Variants in TSTD2 observed in about 807,000 individuals in gnomAD.
TSTD2 encodes the protein thiosulfate sulfurtransferase like domain containing 2, also known as thiosulfate sulfurtransferase/rhodanese-like domain-containing protein 2.
TSTD2 carries 37 observed loss-of-function variants against 47.9 expected under a neutral mutation model. That is an observed-to-expected ratio of 0.77 (90% CI 0.59 to 1.02). The LOEUF (loss-of-function observed/expected upper bound fraction) is 1.02. Among genes scored for constraint, TSTD2 ranks in the 50% least tolerant of loss-of-function variants. TSTD2 has a pLI of 0.00. For synonymous variants in TSTD2, 201 were observed against 215.9 expected (o/e 0.93, Z 0.61); for missense variants, 586 against 616.0 (o/e 0.95, Z 0.52).
At chr9:97,616,269 G>A (rs1406258126) in intron 4 of TSTD2, among the ~76,000 whole-genome samples, 1 of 152,188 alleles carries the variant, frequency 6.6e-6, no homozygotes, top group Admixed American at 6.5e-5. Flanking sequence ...AGTATCAGAC[G>A]AGAGGAAAAG....
intron 7 of TSTD2, among the ~76,000 whole-genome samples, 180 bp downstream of exon 7, chr9:97,605,963 T>TA (rs1826358751): frequency 6.6e-6 from 1 of 152,220 alleles, no homozygotes; most frequent in Admixed American, 6.5e-5. Context: ...CATATTTTCT[T>TA]AGACTCTCTC....
At chr9:97,624,937 T>C (rs1407653104) in intron 3 of TSTD2, among the ~76,000 whole-genome samples, 1 of 152,200 alleles carries the variant, frequency 6.6e-6, no homozygotes, top group Non-Finnish European at 1.5e-5. Flanking sequence ...CCCCTTTTTT[T>C]TGCTTAGTTT....
intron 1 of TSTD2, among the ~76,000 whole-genome samples, chr9:97,632,428 A>T (rs763427020): frequency 6.6e-6 from 1 of 151,932 alleles, no homozygotes; most frequent in Non-Finnish European, 1.5e-5. Flanking sequence ...GCTGGAGTGC[A>T]GTGTGCGATC....
At chr9:97,631,609 T>C (rs930790166) in intron 1 of TSTD2, among the ~76,000 whole-genome samples, 2 of 152,186 alleles carry the variant, frequency 1.3e-5, no homozygotes, top group East Asian at 3.9e-4. Flanking sequence ...GGCTCATGCC[T>C]GTAATCTCAG....
chr9:97,631,603 C>T (rs1402965510), intron 1 of TSTD2, among the ~76,000 whole-genome samples: 2 of 152,196 alleles, frequency 1.3e-5, no homozygotes, highest in Admixed American at 1.3e-4. Flanking sequence ...CACAGAGGCT[C>T]ATGCCTGTAA....
chr9:97,625,237 C>T (rs1727667222), intron 3 of TSTD2, among the ~76,000 whole-genome samples: 1 of 152,176 alleles, frequency 6.6e-6, no homozygotes, highest in South Asian at 2.1e-4. Context: ...TCTCATTCAC[C>T]CATATACGTT....
Position 97,633,358 on chromosome 9 carries a change from T to G in TSTD2, c.-166A>C. ...CCGCCGCGTATTTGGGTAGAAAAGC[T>G]CGCTCGTGACGTCACCAAGCTCCGG... On this transcript the variant is annotated 5_prime_UTR_variant, in exon 1 of 10. Coordinates refer to ENST00000341170, the MANE Select transcript of TSTD2 (RefSeq NM_139246.5). The G allele has an allele frequency of 2.7e-6, 1 of 376,940 alleles. No homozygotes were observed. Among genetic ancestry groups the G allele is most frequent in the Non-Finnish European group, 4.7e-6 (1 of 212,186 alleles). The allele number at this position is 376,940 out of a possible 1,614,324, so 23.3% of individuals were successfully genotyped here.
chr9:97,632,227 C>A (rs867733489), intron 1 of TSTD2, among the ~76,000 whole-genome samples: 1 of 152,278 alleles, frequency 6.6e-6, no homozygotes, highest in South Asian at 2.1e-4. Flanking sequence ...AGATTTAGAA[C>A]CAGAGACCTT....
In TSTD2 at chr9:97,602,368, G is replaced by A; in HGVS notation, c.*101C>T. 1 of 1,397,368 alleles carries A rather than the reference G, an allele frequency of 7.2e-7. No individual in the cohort carries two copies. Among genetic ancestry groups the A allele is most frequent in the Non-Finnish European group, 9.5e-7 (1 of 1,053,080 alleles). The allele number at this position is 1,397,368 out of a possible 1,614,324, so 86.6% of individuals were successfully genotyped here. On this transcript the variant is annotated 3_prime_UTR_variant, in exon 10 of 10. Transcript: ENST00000341170. ...CACGGTGGCAGCGGCCAGAACTGAAGTTCCCGATTTCTCTGTTTCTGCAGT... is the reference window on the plus strand; with the variant it reads ...CACGGTGGCAGCGGCCAGAACTGAAATTCCCGATTTCTCTGTTTCTGCAGT...
chr9:97,600,839 G>A lies in TSTD2; in HGVS notation c.*1630C>T. The A allele has an allele frequency of 9.3e-7, 1 of 1,074,896 alleles. No homozygotes were observed. The highest frequency in any genetic ancestry group is 1.1e-6 in the Non-Finnish European group (1 of 880,194). The allele number at this position is 1,074,896 out of a possible 1,614,324, so 66.6% of individuals were successfully genotyped here. ...TTTTTAACATCATGTGCGTCTCTTG[G>A]GATCCAGCAAAAGTGTTAAGCCACA... On this transcript the variant is annotated 3_prime_UTR_variant, in exon 10 of 10. Coordinates refer to ENST00000341170, the MANE Select transcript of TSTD2 (RefSeq NM_139246.5).
intron 3 of TSTD2, among the ~76,000 whole-genome samples, chr9:97,620,551 A>T (rs116915100): frequency 6.6e-6 from 1 of 152,216 alleles, no homozygotes; most frequent in East Asian, 1.9e-4. Context: ...GACGACAAGA[A>T]GATGTGGGAA....
Position 97,619,925 on chromosome 9 carries a change from G to GATTCTGTAATATTACACC in TSTD2, c.483-2049_483-2048insGGTGTAATATTACAGAAT, listed in dbSNP as rs1826603527. 6.6e-5 allele frequency among the ~76,000 whole-genome samples: 10 copies of GATTCTGTAATATTACACC among 152,182 alleles called. 1 individual carries two copies. In the South Asian group the frequency reaches 1.9e-3, roughly 28 times the overall value. On this transcript the variant is annotated intron_variant, in intron 3 of 9. Transcript: ENST00000341170. ...CTTAAAGTCAGAAATTTGTCCTCTG[G>GATTCTGTAATATTACACC]AATTCTGTAATATGACTTGGTGAGT...
At chr9:97,618,402 C>T (rs2131312994) in intron 3 of TSTD2, among the ~76,000 whole-genome samples, 1 of 152,350 alleles carries the variant, frequency 6.6e-6, no homozygotes, top group African/African-American at 2.4e-5. Flanking sequence ...CAGATCTATA[C>T]TCTTTCTACT....
chr9:97,604,853 C>T lies in TSTD2; in HGVS notation c.1126G>A (p.Glu376Lys). 6.2e-7 allele frequency: 1 copy of T among 1,613,908 alleles called. No homozygotes were observed. The highest frequency in any genetic ancestry group is 8.5e-7 in the Non-Finnish European group (1 of 1,179,976). ...AYLKAKGVCK[E>K]VFQLKGGIHK... ...ATGCCACCCTTGAGCTGGAACACCT[C>T]CTTGCACACTCCCTAGGTGTGGAAA... Residue 376 changes from glutamate (E) to lysine (K), a missense_variant, in exon 9 of 10, where the codon GAG (glutamate) becomes AAG (lysine). By Grantham distance (56) the Glu-to-Lys change is moderately conservative (BLOSUM62 1). Coordinates refer to ENST00000341170, the MANE Select transcript of TSTD2 (RefSeq NM_139246.5).
In TSTD2 at chr9:97,601,830, A is replaced by T. The variant is rs1300219523; in HGVS notation, c.*639T>A. On this transcript the variant is annotated 3_prime_UTR_variant, in exon 10 of 10. Coordinates refer to ENST00000341170, the MANE Select transcript of TSTD2 (RefSeq NM_139246.5). ...GAAAATACAGTATTGGCAGGGGGCG[A>T]AACCTGCGTACATGGAGGGCTGATT... The T allele has an allele frequency of 6.5e-6, 1 of 154,538 alleles. No individual in the cohort carries two copies. Among genetic ancestry groups the T allele is most frequent in the Non-Finnish European group, 1.4e-5 (1 of 70,244 alleles). The allele number at this position is 154,538 out of a possible 1,614,324, so 9.6% of individuals were successfully genotyped here.
rs375695727 is a variant in TSTD2 at position 97,602,805 on chromosome 9, C to T, written c.1253-38G>A. ...GAAAAGCCATCATTATAAACACATACATTCACACACACGTGGACAGGCATT... is the reference window on the plus strand; with the variant it reads ...GAAAAGCCATCATTATAAACACATATATTCACACACACGTGGACAGGCATT... On this transcript the variant is annotated intron_variant, in intron 9 of 9. Transcript: ENST00000341170. The T allele has an allele frequency of 2.5e-5, 39 of 1,558,800 alleles. No homozygotes were observed. In the African/African-American group the frequency reaches 3.5e-4, roughly 14 times the overall value.
chr9:97,629,092 G>C (rs1826769057), intron 1 of TSTD2, among the ~76,000 whole-genome samples: 1 of 152,208 alleles, frequency 6.6e-6, no homozygotes, highest in Non-Finnish European at 1.5e-5. Context: ...TGAAGGTTCT[G>C]AAAATAGTAA....
intron 3 of TSTD2, among the ~76,000 whole-genome samples, chr9:97,620,060 A>G (rs1226987030): frequency 6.6e-6 from 1 of 152,184 alleles, no homozygotes; most frequent in Non-Finnish European, 1.5e-5. Flanking sequence ...TAAAAACCTG[A>G]TATTGCTTGG....
chr9:97,607,503 C>T (rs1237676232), intron 6 of TSTD2, among the ~76,000 whole-genome samples: 1 of 152,140 alleles, frequency 6.6e-6, no homozygotes, highest in Non-Finnish European at 1.5e-5. Context: ...TTGCTACCTG[C>T]CTGAGTTATG....
Sources: gnomAD v4.1 joint callset for allele counts (sites outside exome capture counted in the v4.1 genomes callset) on GRCh38, gnomAD v4.1.1 for gene constraint, MANE v1.5 for transcripts, NCBI Gene and HGNC (gene_info 2026-07-23, HGNC 2026-07-21) for gene names.